Variants in KCNK10 observed in about 807,000 individuals in gnomAD.
KCNK10 encodes potassium channel subfamily K member 10.
Under a neutral mutation model 47.7 loss-of-function variants are expected in KCNK10, and 25 were observed. The observed-to-expected ratio is 0.52, with a 90% confidence interval of 0.38 to 0.73. The LOEUF (loss-of-function observed/expected upper bound fraction) is 0.73, where lower values mean the gene tolerates loss of function less well. Among genes scored for constraint, KCNK10 ranks in the 30% least tolerant of loss-of-function variants. The probability of loss-of-function intolerance (pLI) is 0.00; values close to 1 mark genes in which losing one functional copy is unlikely to be tolerated. For synonymous variants in KCNK10, 303 were observed against 285.6 expected, an observed-to-expected ratio of 1.06 and a Z score of -0.61; for missense variants, 563 against 714.5, an observed-to-expected ratio of 0.79 and a Z score of 2.42.
At chr14:88,302,428 G>A (rs147166336) in intron 1 of KCNK10, among the ~76,000 whole-genome samples, 43 of 152,296 alleles carry the variant, frequency 2.8e-4, no homozygotes, top group South Asian at 1.2e-3. Context: ...AACCCAGAGC[G>A]GCCAGGCGCG....
intron 1 of KCNK10, among the ~76,000 whole-genome samples, chr14:88,277,624 A>T (rs1421069635): frequency 3.3e-5 from 5 of 152,200 alleles, no homozygotes; most frequent in African/African-American, 1.2e-4. Context: ...TCGAGGAATC[A>T]ACAGACTTAC....
intron 1 of KCNK10, among the ~76,000 whole-genome samples, chr14:88,317,950 C>G (rs1427939000): frequency 1.3e-5 from 2 of 152,174 alleles, no homozygotes; most frequent in Admixed American, 6.5e-5. Context: ...ACTCCAATAG[C>G]TAATATGAGC....
intron 1 of KCNK10, among the ~76,000 whole-genome samples, chr14:88,319,266 A>AT (rs1888493698): frequency 6.6e-6 from 1 of 152,122 alleles, no homozygotes; most frequent in African/African-American, 2.4e-5. Context: ...AACCACCTTC[A>AT]TTTTTTGCTA....
chr14:88,203,908 G>T (rs1404117763), intron 4 of KCNK10, among the ~76,000 whole-genome samples: 2 of 152,208 alleles, frequency 1.3e-5, no homozygotes, highest in African/African-American at 4.8e-5. Flanking sequence ...CTTGGACAGG[G>T]TAGGTAGCAG....
At chr14:88,304,520 A>G (rs1348929735) in intron 1 of KCNK10, among the ~76,000 whole-genome samples, 1 of 152,224 alleles carries the variant, frequency 6.6e-6, no homozygotes, top group African/African-American at 2.4e-5. Flanking sequence ...AGCAGTGAAA[A>G]AAGTTTGAGT....
intron 1 of KCNK10, among the ~76,000 whole-genome samples, chr14:88,274,329 A>C (rs1396401502): frequency 1.3e-5 from 2 of 151,920 alleles, no homozygotes; most frequent in Non-Finnish European, 2.9e-5. Context: ...AAACTGAAAA[A>C]TATTTTTTGG....
rs762330726 is a variant in KCNK10, at chr14:88,186,601, G to C, written c.1012-446C>G. ...CAGTCCTGGGCACAGCAGATGTTCA[G>C]CAGGCCTTCTGCCCTCCCTGCCTTT... On this transcript the variant is annotated intron_variant, in intron 6 of 6. Coordinates refer to ENST00000319231, the MANE Select transcript of KCNK10 (RefSeq NM_138317.3). The surrounding 1 kb of genome is among the most constrained non-coding windows in gnomAD (Gnocchi z 5.5). Among the ~76,000 whole-genome samples the C allele has an allele frequency of 2.6e-5, 4 of 152,062 alleles. No homozygotes were observed. The highest frequency in any genetic ancestry group is 4.4e-5 in the Non-Finnish European group (3 of 68,006).
At position 88,237,313 on chromosome 14, in the gene KCNK10, C is replaced by G. The variant is rs1008015473; in HGVS notation, c.520+3390G>C. Reference sequence around the variant, plus strand: ...AATTCCAACACATCAGCAGTGGCATCCTCTAGTGAAGTCTTGAAGCTCTCA... The same window carrying G: ...AATTCCAACACATCAGCAGTGGCATGCTCTAGTGAAGTCTTGAAGCTCTCA... On this transcript the variant is annotated intron_variant, in intron 3 of 6. Transcript: ENST00000319231. Among the ~76,000 whole-genome samples the G allele has an allele frequency of 2.0e-5, 3 of 152,176 alleles. No individual in the cohort carries two copies. The East Asian group carries it at 5.8e-4, about 29-fold the overall frequency.
At chr14:88,321,143 G>A (rs1211646502) in intron 1 of KCNK10, among the ~76,000 whole-genome samples, 4 of 152,110 alleles carry the variant, frequency 2.6e-5, no homozygotes, top group Non-Finnish European at 5.9e-5. Flanking sequence ...CATAGCCATG[G>A]GAACCTCCTT....
intron 3 of KCNK10, among the ~76,000 whole-genome samples, chr14:88,238,682 T>A (rs1886365871): frequency 6.6e-6 from 1 of 152,068 alleles, no homozygotes; most frequent in Non-Finnish European, 1.5e-5. Flanking sequence ...TCAAAAAAAA[T>A]AAAACACAAA....
At chr14:88,241,383 T>C (rs74498909) in intron 2 of KCNK10, among the ~76,000 whole-genome samples, 5,805 of 152,228 alleles carry the variant, frequency 0.038, 406 homozygotes, top group East Asian at 0.26. Flanking sequence ...ACAGGGTTGT[T>C]GTGAGGATTA....
intron 1 of KCNK10, among the ~76,000 whole-genome samples, chr14:88,267,227 G>A (rs773364563): frequency 3.3e-5 from 5 of 152,120 alleles, no homozygotes; most frequent in Non-Finnish European, 5.9e-5. Context: ...CAGGAGTACC[G>A]GCACAGATCT....
chr14:88,201,470 G>A (rs1241654673), intron 4 of KCNK10, among the ~76,000 whole-genome samples: 1 of 152,060 alleles, frequency 6.6e-6, no homozygotes, highest in African/African-American at 2.4e-5. Flanking sequence ...GACCAGCCTG[G>A]CCAATATGGT....
At chr14:88,202,693 G>A (rs774357276) in intron 4 of KCNK10, among the ~76,000 whole-genome samples, 4 of 152,110 alleles carry the variant, frequency 2.6e-5, no homozygotes, top group East Asian at 3.9e-4. Context: ...AGGCAAGACC[G>A]GGTTAGGAAC....
intron 4 of KCNK10, among the ~76,000 whole-genome samples, chr14:88,205,896 G>A (rs1480418573): frequency 6.6e-6 from 1 of 152,106 alleles, no homozygotes; most frequent in Non-Finnish European, 1.5e-5. Context: ...AAGAAAATAT[G>A]AGAGTACTGT....
chr14:88,219,492 T>G (rs1359842455), intron 4 of KCNK10, among the ~76,000 whole-genome samples: 1 of 152,192 alleles, frequency 6.6e-6, no homozygotes, highest in Non-Finnish European at 1.5e-5. Flanking sequence ...GTAGGCTGTT[T>G]GTGATAGGCT....
intron 1 of KCNK10, among the ~76,000 whole-genome samples, chr14:88,318,721 G>A (rs575973652): frequency 6.6e-6 from 1 of 152,196 alleles, no homozygotes; most frequent in Non-Finnish European, 1.5e-5. Flanking sequence ...GAAAGTTGAA[G>A]AGACAAAGTC....
At chr14:88,304,146 T>G (rs1448458580) in intron 1 of KCNK10, among the ~76,000 whole-genome samples, 3 of 151,734 alleles carry the variant, frequency 2.0e-5, no homozygotes, top group Non-Finnish European at 4.4e-5. Flanking sequence ...GGAGGCCGTC[T>G]CCACAAAAAA....
chr14:88,275,036 A>G (rs976227455), intron 1 of KCNK10, among the ~76,000 whole-genome samples: 4 of 150,770 alleles, frequency 2.7e-5, no homozygotes, highest in Non-Finnish European at 3.0e-5. Flanking sequence ...AGATCTGAAG[A>G]CTCCCTCATG....
Sources: gnomAD v4.1 joint callset for allele counts (sites outside exome capture counted in the v4.1 genomes callset) on GRCh38, gnomAD v4.1.1 for gene constraint, Gnocchi (gnomAD v3.1) non-coding constraint, MANE v1.5 for transcripts, NCBI Gene and HGNC (gene_info 2026-07-23, HGNC 2026-07-21) for gene names.